ZNF362: variants seen among roughly 807,000 people sequenced by gnomAD.
ZNF362 encodes rotund homolog.
Under a neutral mutation model 42.9 loss-of-function variants are expected in ZNF362, and 11 were observed. The observed-to-expected ratio is 0.26, with a 90% CI of 0.16 to 0.42. ZNF362 has a LOEUF of 0.42. ZNF362 is among the 20% of genes least tolerant of loss of function. The probability of loss-of-function intolerance (pLI) is 1.00; values close to 1 mark genes in which losing one functional copy is unlikely to be tolerated. For missense variants in ZNF362, 362 were observed against 576.2 expected (o/e 0.63, Z 3.81); for synonymous variants, 255 against 257.3 (o/e 0.99, Z 0.09).
the ZNF362 span, among the ~76,000 whole-genome samples, chr1:33,148,585 G>A: frequency 5.3e-5 from 8 of 152,104 alleles, no homozygotes; most frequent in African/African-American, 1.9e-4. Flanking sequence ...GTGATTGTGG[G>A]TGAGCATCTA....
upstream of ZNF362, among the ~76,000 whole-genome samples, chr1:33,253,701 G>A (rs1298650541): frequency 2.0e-5 from 3 of 152,080 alleles, no homozygotes; most frequent in Non-Finnish European, 4.4e-5. Flanking sequence ...CTTTGCATGT[G>A]CTGTTCTAAG....
the ZNF362 span, among the ~76,000 whole-genome samples, chr1:33,204,551 T>A: frequency 6.6e-6 from 1 of 152,234 alleles, no homozygotes; most frequent in African/African-American, 2.4e-5. Flanking sequence ...TAAACCTGTA[T>A]ATGGAATTCA....
the ZNF362 span, among the ~76,000 whole-genome samples, chr1:33,150,759 G>A: frequency 6.6e-6 from 1 of 152,150 alleles, no homozygotes; most frequent in African/African-American, 2.4e-5. Context: ...GCTGTAGGAG[G>A]AGTGTGTGGT....
chr1:33,282,615 A>G (rs1221357995), intron 6 of ZNF362, among the ~76,000 whole-genome samples: 6 of 152,132 alleles, frequency 3.9e-5, no homozygotes, highest in African/African-American at 1.2e-4. Context: ...TGAGGTCAGG[A>G]GTTCATGACC....
the ZNF362 span, among the ~76,000 whole-genome samples, chr1:33,221,194 C>T: frequency 6.6e-6 from 1 of 151,114 alleles, no homozygotes; most frequent in East Asian, 1.9e-4. Flanking sequence ...CTTCTGGAAT[C>T]CTATCAATCC....
the ZNF362 span, among the ~76,000 whole-genome samples, chr1:33,161,494 T>C: frequency 6.6e-6 from 1 of 152,120 alleles, no homozygotes; most frequent in South Asian, 2.1e-4. This position sits in a 1 kb window ranked among gnomAD's most constrained non-coding sequence, Gnocchi z 4.3. Context: ...TTAGGGCCTG[T>C]TCCCTCCCCG....
chr1:33,216,598 T>TAAAAAA, the ZNF362 span, among the ~76,000 whole-genome samples: 1 of 10,482 alleles, frequency 9.5e-5, no homozygotes. Context: ...AGACTCTGTC[T>TAAAAAA]CAAAAAAAAA....
At chr1:33,152,162 T>C in the ZNF362 span, among the ~76,000 whole-genome samples, 1 of 152,210 alleles carries the variant, frequency 6.6e-6, no homozygotes, top group Non-Finnish European at 1.5e-5. Context: ...AACTCTGAGG[T>C]AAGTGGCTTG....
At chr1:33,143,170 G>C in the ZNF362 span, 1 of 152,160 alleles carries the variant, frequency 6.6e-6, no homozygotes, top group African/African-American at 2.4e-5. Context: ...CTCTGGACGT[G>C]TATCAAATAT....
chr1:33,176,378 G>T, the ZNF362 span: 2 of 680,832 alleles, frequency 2.9e-6, no homozygotes, highest in Middle Eastern at 2.3e-4. Context: ...TGGCTGCCTT[G>T]GTGTCACTGG....
At chr1:33,236,550 A>AAAAAAATATATATATATATATAT in the ZNF362 span, among the ~76,000 whole-genome samples, 6 of 5,966 alleles carry the variant, frequency 1.0e-3, no homozygotes, top group Admixed American at 4.2e-3. Context: ...AAAAAAAAAA[A>AAAAAAATATATATATATATATAT]ATATATATAT....
At chr1:33,159,655 C>G in the ZNF362 span, 1 of 1,582,988 alleles carries the variant, frequency 6.3e-7, no homozygotes, top group Non-Finnish European at 8.6e-7. This position sits in a 1 kb window ranked among gnomAD's most constrained non-coding sequence, Gnocchi z 4.2. Context: ...AGGGGATGGT[C>G]AGCCGGGGAG....
the ZNF362 span, among the ~76,000 whole-genome samples, chr1:33,239,694 G>A: frequency 2.6e-5 from 4 of 152,158 alleles, no homozygotes; most frequent in African/African-American, 9.7e-5. Context: ...CACGAGAACA[G>A]CATGGGGGAA....
At chr1:33,257,228 G>C (rs757115037) in intron 1 of ZNF362, among the ~76,000 whole-genome samples, 4 of 152,162 alleles carry the variant, frequency 2.6e-5, no homozygotes, top group Non-Finnish European at 5.9e-5. Context: ...TGGAAGCAGA[G>C]GGGGCACCCG....
chr1:33,154,315 TG>T, the ZNF362 span, among the ~76,000 whole-genome samples: 1 of 152,088 alleles, frequency 6.6e-6, no homozygotes. Context: ...GCAGGGAGCC[TG>T]GGGAGCCTTC....
chr1:33,133,826 T>C, the ZNF362 span, among the ~76,000 whole-genome samples: 4 of 152,364 alleles, frequency 2.6e-5, no homozygotes, highest in East Asian at 7.7e-4. Context: ...TGAGTGACCT[T>C]GGGCAAGTGG....
the ZNF362 span, among the ~76,000 whole-genome samples, chr1:33,251,416 C>T: frequency 6.6e-6 from 1 of 152,182 alleles, no homozygotes; most frequent in Non-Finnish European, 1.5e-5. Context: ...AAACCATTGC[C>T]ACCTTTCACC....
chr1:33,184,241 A>G, the ZNF362 span, among the ~76,000 whole-genome samples: 37 of 152,166 alleles, frequency 2.4e-4, no homozygotes, highest in Non-Finnish European at 8.8e-5. Context: ...ATTCTCACAT[A>G]TATTATTGGA....
the ZNF362 span, among the ~76,000 whole-genome samples, chr1:33,231,973 T>C: frequency 2.6e-5 from 4 of 152,012 alleles, no homozygotes; most frequent in Admixed American, 2.6e-4. Context: ...GTTCTTGGAG[T>C]CACAGATGAT....
Sources: gnomAD v4.1 joint callset for allele counts (sites outside exome capture counted in the v4.1 genomes callset) on GRCh38, gnomAD v4.1.1 for gene constraint, Gnocchi (gnomAD v3.1) non-coding constraint, MANE v1.5 for transcripts, NCBI Gene and HGNC (gene_info 2026-07-23, HGNC 2026-07-21) for gene names.